ARHGAP10: variants seen among roughly 807,000 people sequenced by gnomAD.
ARHGAP10 encodes the protein Rho GTPase activating protein 10, also known as rho GTPase-activating protein 10.
A neutral mutation model predicts 108.6 loss-of-function variants in ARHGAP10; 87 were observed. That is an observed-to-expected ratio of 0.80 (90% CI 0.67 to 0.96). The LOEUF (loss-of-function observed/expected upper bound fraction) is 0.96, where lower values mean the gene tolerates loss of function less well. ARHGAP10 is among the 40% of genes least tolerant of loss of function. The pLI is 0.00. For synonymous variants in ARHGAP10, 347 were observed against 341.1 expected (o/e 1.02, Z -0.19); for missense variants, 939 against 954.5 (o/e 0.98, Z 0.21).
In ARHGAP10 at chr4:147,899,321, G is replaced by A. The variant is rs1461613668; in HGVS notation, c.1035-7317G>A. On this transcript the variant is annotated intron_variant, in intron 10 of 22. Coordinates refer to ENST00000336498, the MANE Select transcript of ARHGAP10 (RefSeq NM_024605.4). Reference sequence around the variant, plus strand: ...GAAAGCAGCTGGGGTGTGTGTGTGTGTGCATGCGTGTGTGTGTGTGTGTCT... The same window carrying A: ...GAAAGCAGCTGGGGTGTGTGTGTGTATGCATGCGTGTGTGTGTGTGTGTCT... Among the ~76,000 whole-genome samples, 5 of 152,024 alleles carry A rather than the reference G, an allele frequency of 3.3e-5. No homozygotes were observed. In the East Asian group the frequency reaches 9.6e-4, roughly 29 times the overall value.
At chr4:147,770,367 A>C (rs577001973) in intron 1 of ARHGAP10, among the ~76,000 whole-genome samples, 1 of 152,282 alleles carries the variant, frequency 6.6e-6, no homozygotes, top group South Asian at 2.1e-4. Context: ...TCTACTAAAA[A>C]TGGAAAAATT....
In ARHGAP10 at chr4:147,935,343, AAGAT is replaced by A. The variant is rs370134187; in HGVS notation, c.1229-4478_1229-4475del. 3.8e-3 allele frequency among the ~76,000 whole-genome samples: 574 copies of A among 152,336 alleles called. 6 individuals carry two copies. The highest frequency in any genetic ancestry group is 0.02 in the Middle Eastern group (6 of 294). On this transcript the variant is annotated intron_variant, in intron 13 of 22. Transcript: ENST00000336498. ...ATAATAATAGTGGTTTGAAAATAAA[AAGAT>A]AGAAGACAGTGTTCAGAATGGATTA...
chr4:147,881,996 A>G (rs1735348379), intron 10 of ARHGAP10, 64 bp downstream of exon 10: 3 of 1,483,134 alleles, frequency 2.0e-6, no homozygotes, highest in South Asian at 1.2e-5. Flanking sequence ...TTAAAAAAAT[A>G]GAGGTTAGTT....
intron 16 of ARHGAP10, among the ~76,000 whole-genome samples, chr4:147,957,112 G>A (rs1293810954): frequency 6.6e-6 from 1 of 152,144 alleles, no homozygotes; most frequent in East Asian, 1.9e-4. Context: ...TGCTGTGATA[G>A]TCTTCACAGT....
intron 12 of ARHGAP10, among the ~76,000 whole-genome samples, chr4:147,910,831 A>T (rs961138388): frequency 1.3e-5 from 2 of 152,310 alleles, no homozygotes; most frequent in Middle Eastern, 3.4e-3. Flanking sequence ...TATAATTGTG[A>T]TCACTTGAGC....
chr4:148,048,634 G>A (rs973181173), intron 20 of ARHGAP10, among the ~76,000 whole-genome samples: 1 of 152,188 alleles, frequency 6.6e-6, no homozygotes, highest in Admixed American at 6.5e-5. Flanking sequence ...ATGTGTGTAT[G>A]TTTTAGTGAA....
At chr4:147,882,386 C>G (rs1579156137) in intron 10 of ARHGAP10, among the ~76,000 whole-genome samples, 1 of 151,600 alleles carries the variant, frequency 6.6e-6, no homozygotes, top group Non-Finnish European at 1.5e-5. Flanking sequence ...CCATTTGAAC[C>G]CAGGAGGCGG....
At chr4:147,938,754 G>T (rs1404462236) in intron 13 of ARHGAP10, among the ~76,000 whole-genome samples, 1 of 152,170 alleles carries the variant, frequency 6.6e-6, no homozygotes, top group African/African-American at 2.4e-5. Flanking sequence ...GGGATTAGAG[G>T]CATCATCTGC....
intron 16 of ARHGAP10, among the ~76,000 whole-genome samples, chr4:147,958,714 A>G (rs566671216): frequency 3.3e-5 from 5 of 152,332 alleles, no homozygotes; most frequent in East Asian, 3.9e-4. Context: ...TCCCTTGGGA[A>G]GTGCTTGGAT....
intron 1 of ARHGAP10, among the ~76,000 whole-genome samples, chr4:147,741,722 A>G (rs1356389187): frequency 6.6e-6 from 1 of 151,576 alleles, no homozygotes; most frequent in East Asian, 1.9e-4. Context: ...GAAAAACACC[A>G]GACACTTTAC....
At chr4:148,070,610 A>G (rs1483791018) in intron 22 of ARHGAP10, among the ~76,000 whole-genome samples, 3 of 151,138 alleles carry the variant, frequency 2.0e-5, no homozygotes, top group Non-Finnish European at 4.5e-5. Flanking sequence ...ATCTATGGGG[A>G]AAAAAAGAGT....
At chr4:147,825,938 T>G (rs1732691229) in intron 3 of ARHGAP10, among the ~76,000 whole-genome samples, 1 of 152,206 alleles carries the variant, frequency 6.6e-6, no homozygotes, top group Admixed American at 6.5e-5. Context: ...GGTTAGATTC[T>G]AGGCGGGGGT....
At chr4:148,020,062 A>G (rs1741508130) in intron 18 of ARHGAP10, among the ~76,000 whole-genome samples, 1 of 152,172 alleles carries the variant, frequency 6.6e-6, no homozygotes, top group Non-Finnish European at 1.5e-5. Flanking sequence ...TGCTCCAATG[A>G]GCATTTCCTT....
chr4:147,923,315 C>T (rs1047402333), intron 13 of ARHGAP10, among the ~76,000 whole-genome samples: 1 of 152,160 alleles, frequency 6.6e-6, no homozygotes, highest in Non-Finnish European at 1.5e-5. Flanking sequence ...ATGAGCCGCC[C>T]CCCATGAGCA....
intron 10 of ARHGAP10, among the ~76,000 whole-genome samples, chr4:147,896,949 G>T (rs1736016925): frequency 6.6e-6 from 1 of 152,008 alleles, no homozygotes; most frequent in South Asian, 2.1e-4. Flanking sequence ...TTTGGTCAGA[G>T]AAAACAGTTT....
chr4:148,013,332 A>AG lies in ARHGAP10; in HGVS notation c.1717-9927dup, dbSNP rs1412287306. The stretch of plus-strand genomic sequence containing the variant: ...CTGATAAATACATATACCTGCCTTC[A>AG]GGGGATGTGTTCTTCATTGTGACTA... On this transcript the variant is annotated intron_variant, in intron 18 of 22. Coordinates refer to ENST00000336498, the MANE Select transcript of ARHGAP10 (RefSeq NM_024605.4). Among the ~76,000 whole-genome samples, 3 of 152,328 alleles carry AG rather than the reference A, an allele frequency of 2.0e-5. No individual in the cohort carries two copies. In the East Asian group the frequency reaches 5.8e-4, roughly 29 times the overall value.
intron 18 of ARHGAP10, among the ~76,000 whole-genome samples, chr4:148,014,861 A>G (rs1741290679): frequency 6.6e-6 from 1 of 152,264 alleles, no homozygotes. Context: ...GAAATAAAAC[A>G]TAAACAAAAT....
At chr4:148,039,214 G>T (rs1728513313) in intron 19 of ARHGAP10, among the ~76,000 whole-genome samples, 2 of 152,000 alleles carry the variant, frequency 1.3e-5, no homozygotes, top group Admixed American at 1.3e-4. Context: ...GAATTTCTCT[G>T]AGAGTGTTAT....
intron 18 of ARHGAP10, among the ~76,000 whole-genome samples, chr4:147,976,895 T>A (rs1282881429): frequency 6.6e-6 from 1 of 152,244 alleles, no homozygotes; most frequent in Admixed American, 6.5e-5. Flanking sequence ...ATTTATTCTG[T>A]GTTGTCTGAG....
Sources: allele counts gnomAD v4.1 joint callset (sites outside exome capture counted in the v4.1 genomes callset), GRCh38; gene constraint gnomAD v4.1.1; transcripts MANE v1.5; gene names NCBI Gene and HGNC (gene_info 2026-07-23, HGNC 2026-07-21).